Variants in FOXP4 observed in about 807,000 individuals in gnomAD.
FOXP4 encodes the protein forkhead box protein P4.
In FOXP4, 25 loss-of-function variants were observed where a neutral mutation model predicts 82.6. That is an observed-to-expected ratio of 0.30 (90% confidence interval 0.22 to 0.42). The LOEUF (loss-of-function observed/expected upper bound fraction) is 0.42. Among genes scored for constraint, FOXP4 ranks in the 10% least tolerant of loss-of-function variants. The pLI, the probability that FOXP4 is intolerant of heterozygous loss-of-function variation, is 1.00. For missense variants in FOXP4, 785 were observed against 900.9 expected, an observed-to-expected ratio of 0.87 and a Z score of 1.65; for synonymous variants, 415 against 388.2, an observed-to-expected ratio of 1.07 and a Z score of -0.81.
chr6:41,570,123 C>G, intron 2 of FOXP4: 1 of 349,958 alleles, frequency 2.9e-6, no homozygotes, highest in South Asian at 2.2e-5. Flanking sequence ...CACACGCAGT[C>G]AACAGTTGTC....
At chr6:41,553,594 G>C (rs555465555) in intron 1 of FOXP4, among the ~76,000 whole-genome samples, 2 of 152,278 alleles carry the variant, frequency 1.3e-5, no homozygotes, top group South Asian at 4.1e-4. Flanking sequence ...GACCCTGTCT[G>C]ATCTCTCCTT....
chr6:41,574,859 C>A (rs975418182), intron 2 of FOXP4, among the ~76,000 whole-genome samples: 8 of 152,250 alleles, frequency 5.3e-5, no homozygotes, highest in African/African-American at 1.9e-4. Flanking sequence ...CTCTGGGAAG[C>A]CTTCCGAGAC....
At chr6:41,597,636 T>TGGG in intron 15 of FOXP4, 145 bp from the exon 16 acceptor site, 1 of 1,020,372 alleles carries the variant, frequency 9.8e-7, no homozygotes, top group Non-Finnish European at 1.4e-6. Context: ...AGTTGGGGCT[T>TGGG]GGGGGTTGCC....
At chr6:41,566,096 C>T in intron 2 of FOXP4, 132 bp downstream of exon 2, 2 of 943,674 alleles carry the variant, frequency 2.1e-6, no homozygotes, top group Non-Finnish European at 3.0e-6. Flanking sequence ...GACAGTCCAG[C>T]CTCCAAGGAC....
intron 14 of FOXP4, 129 bp from the exon 15 acceptor site, chr6:41,597,047 C>G: frequency 1.1e-6 from 1 of 950,130 alleles, no homozygotes; most frequent in Non-Finnish European, 1.7e-6. Flanking sequence ...GCGGCTGATC[C>G]GCCCTGGCCT....
rs774695569 is a variant in FOXP4 at position 41,587,031 on chromosome 6, C to A, written c.533C>A (p.Ala178Asp). ...PKEALGNKQL[A>D]FQQQLLQMQQ... ...CAGGCACTGGGGAACAAGCAGCTGGCCTTCCAGCAGCAGCTCCTGCAAATG... is the reference window on the plus strand; with the variant it reads ...CAGGCACTGGGGAACAAGCAGCTGGACTTCCAGCAGCAGCTCCTGCAAATG... Residue 178 changes from alanine to aspartate, a missense_variant, in exon 6 of 17, where the codon GCC becomes GAC. This residue lies in a region of FOXP4 where 570 missense variants were observed against 634.0 expected (regional missense o/e 0.90). Coordinates refer to ENST00000307972, the MANE Select transcript of FOXP4 (RefSeq NM_001012426.2). 1 of 1,597,394 alleles carries A rather than the reference C, an allele frequency of 6.3e-7. No homozygotes were observed. The highest frequency in any genetic ancestry group is 8.6e-7 in the Non-Finnish European group (1 of 1,168,398).
At chr6:41,585,188 C>T (rs1766035793) in intron 4 of FOXP4, among the ~76,000 whole-genome samples, 2 of 152,148 alleles carry the variant, frequency 1.3e-5, no homozygotes, top group Non-Finnish European at 1.5e-5. Flanking sequence ...TCCCCTGTGA[C>T]CTGCTCAGGA....
intron 2 of FOXP4, among the ~76,000 whole-genome samples, chr6:41,575,697 C>T (rs1765441934): frequency 1.3e-5 from 2 of 151,432 alleles, no homozygotes; most frequent in Admixed American, 6.6e-5. Context: ...CTCCCCTGGC[C>T]ACCCCCCACC....
Position 41,591,987 on chromosome 6 carries a change from AGG to A in FOXP4, c.1536+670_1536+671del, listed in dbSNP as rs1203104771. On this transcript the variant is annotated intron_variant, in intron 13 of 16. Coordinates refer to ENST00000307972, the MANE Select transcript of FOXP4 (RefSeq NM_001012426.2). The surrounding 1 kb of genome is among the most constrained non-coding windows in gnomAD (Gnocchi z 4.2). Reference sequence around the variant, plus strand: ...GGCCATTTATTTTTCTATAGCCAAAAGGGGGGTGTGTGTGTGTGTCTGTCTGT... The same window carrying A: ...GGCCATTTATTTTTCTATAGCCAAAAGGGGTGTGTGTGTGTGTCTGTCTGT... Among the ~76,000 whole-genome samples, 3 of 147,742 alleles carry A rather than the reference AGG, an allele frequency of 2.0e-5. No homozygotes were observed. In the East Asian group the frequency reaches 6.2e-4, roughly 30 times the overall value.
At chr6:41,587,966 C>G in intron 8 of FOXP4, 69 bp downstream of exon 8, 1 of 809,976 alleles carries the variant, frequency 1.2e-6, no homozygotes, top group East Asian at 2.7e-5. Flanking sequence ...ACCCTGCCCA[C>G]TAGCTTGCCC....
At chr6:41,592,892 G>A (rs1766599335) in intron 13 of FOXP4, among the ~76,000 whole-genome samples, 1 of 152,120 alleles carries the variant, frequency 6.6e-6, no homozygotes, top group African/African-American at 2.4e-5. Context: ...TCTCTGTGGT[G>A]TGTTCCTCCT....
intron 1 of FOXP4, among the ~76,000 whole-genome samples, chr6:41,562,321 A>T (rs1330730655): frequency 1.3e-5 from 2 of 152,180 alleles, no homozygotes; most frequent in Admixed American, 6.5e-5. Flanking sequence ...ATGGGAATTA[A>T]TGCCATTCAC....
chr6:41,596,525 G>A (rs915099201), intron 14 of FOXP4, among the ~76,000 whole-genome samples: 4 of 151,992 alleles, frequency 2.6e-5, no homozygotes, highest in East Asian at 1.9e-4. Context: ...GCCTGGCTGC[G>A]CTTGCACCTC....
chr6:41,597,487 T>C lies in FOXP4; in HGVS notation c.1725+245T>C, dbSNP rs540043423. Reference sequence around the variant, plus strand: ...GATGGCATACCTATAGCATCCCCTTTCCTGGTTTGTCAGTCTGGGGGTTCT... The same window carrying C: ...GATGGCATACCTATAGCATCCCCTTCCCTGGTTTGTCAGTCTGGGGGTTCT... On this transcript the variant is annotated intron_variant, in intron 15 of 16. Transcript: ENST00000307972. 3.9e-5 allele frequency among the ~76,000 whole-genome samples: 6 copies of C among 152,276 alleles called. 1 individual carries two copies. The South Asian group carries it at 6.2e-4, about 16-fold the overall frequency.
chr6:41,551,623 T>C (rs1384998474), intron 1 of FOXP4, among the ~76,000 whole-genome samples: 2 of 152,198 alleles, frequency 1.3e-5, no homozygotes, highest in Admixed American at 6.5e-5. Context: ...CAGGCTACCA[T>C]GTAAATGGAA....
chr6:41,576,049 A>AC (rs551678460), intron 2 of FOXP4, among the ~76,000 whole-genome samples: 8,187 of 126,856 alleles, frequency 0.065, 343 homozygotes, highest in Non-Finnish European at 0.099. Flanking sequence ...CTCACCCGCA[A>AC]CCCCCCCCCC....
In FOXP4 at chr6:41,597,104, G is replaced by C. The variant is rs1036442401; in HGVS notation, c.1659-72G>C. ...CATTCCCAGCACAGGCCGTTACTTA[G>C]TGAGAGTAAAGAGATGCGAATGAAG... On this transcript the variant is annotated intron_variant, in intron 14 of 16. Transcript: ENST00000307972. 4.6e-6 allele frequency: 7 copies of C among 1,512,212 alleles called. No homozygotes were observed. The African/African-American group carries it at 9.6e-5, about 21-fold the overall frequency. The allele number at this position is 1,512,212 out of a possible 1,614,324, so 93.7% of individuals were successfully genotyped here. A position where few individuals can be genotyped will look rare whatever the true frequency, so the allele number is the denominator to read the frequency against.
chr6:41,570,580 A>G (rs1030900348), intron 2 of FOXP4, among the ~76,000 whole-genome samples: 3 of 152,154 alleles, frequency 2.0e-5, no homozygotes, highest in Non-Finnish European at 4.4e-5. Flanking sequence ...AGGGATCTGC[A>G]GACCCCTGCT....
chr6:41,589,949 C>G lies in FOXP4; in HGVS notation c.1150-14C>G, dbSNP rs766280853. On this transcript the variant is annotated splice_polypyrimidine_tract_variant and intron_variant, in intron 10 of 16. Coordinates refer to ENST00000307972, the MANE Select transcript of FOXP4 (RefSeq NM_001012426.2). ...CTCGGGCACTGGTCTCAGTACCCTC[C>G]CCGTTGCTCACAGCTGAACCCGGTC... is the stretch of plus-strand genomic sequence containing the variant. 12 of 1,613,586 alleles carry G rather than the reference C, an allele frequency of 7.4e-6. No homozygotes were observed. In the South Asian group the frequency reaches 1.3e-4, roughly 18 times the overall value.
Sources: allele counts gnomAD v4.1 joint callset (sites outside exome capture counted in the v4.1 genomes callset), GRCh38; gene constraint gnomAD v4.1.1; regional missense constraint gnomAD v4.1.1; non-coding constraint Gnocchi (gnomAD v3.1); transcripts MANE v1.5; gene names NCBI Gene and HGNC (gene_info 2026-07-23, HGNC 2026-07-21).